Variants in COPG2 observed in about 807,000 individuals in gnomAD.
COPG2 encodes coatomer subunit gamma-2.
Under a neutral mutation model 46.3 loss-of-function variants are expected in COPG2, and 37 were observed. The observed-to-expected ratio is 0.80, with a 90% CI of 0.61 to 1.05. COPG2 has a LOEUF of 1.05. Among genes scored for constraint, COPG2 ranks in the 50% least tolerant of loss-of-function variants. COPG2 has a pLI of 0.00. For missense variants in COPG2, 427 were observed against 387.8 expected (o/e 1.10, Z -0.85); for synonymous variants, 159 against 129.7 (o/e 1.23, Z -1.53).
chr7:130,586,265 A>C (rs1794266678), intron 9 of COPG2, among the ~76,000 whole-genome samples: 1 of 152,018 alleles, frequency 6.6e-6, no homozygotes, highest in South Asian at 2.1e-4. Flanking sequence ...GAGCTAAGCT[A>C]TGAGGACTCA....
At chr7:130,633,148 C>T (rs924008962) in intron 5 of COPG2, among the ~76,000 whole-genome samples, 13 of 152,158 alleles carry the variant, frequency 8.5e-5, no homozygotes, top group Admixed American at 7.2e-4. Context: ...CTATCATTGA[C>T]GGGCATTTGG....
At chr7:130,620,123 A>G (rs1258170250) in intron 5 of COPG2, among the ~76,000 whole-genome samples, 2 of 152,150 alleles carry the variant, frequency 1.3e-5, no homozygotes, top group Non-Finnish European at 2.9e-5. Flanking sequence ...TTAATGTTTT[A>G]TCTATAAATA....
intron 5 of COPG2, among the ~76,000 whole-genome samples, chr7:130,621,523 T>C (rs781944348): frequency 2.6e-5 from 4 of 152,196 alleles, no homozygotes; most frequent in Admixed American, 6.5e-5. Context: ...CAAAACTTTA[T>C]TTACAGCTGG....
intron 9 of COPG2, among the ~76,000 whole-genome samples, chr7:130,601,822 T>TA (rs1794636687): frequency 9.3e-6 from 1 of 107,308 alleles, no homozygotes; most frequent in Admixed American, 9.5e-5. Flanking sequence ...TAAAGTATAA[T>TA]AAAAAAAGGA....
intron 20 of COPG2, among the ~76,000 whole-genome samples, chr7:130,530,275 T>C (rs1244682100): frequency 3.9e-5 from 6 of 151,910 alleles, no homozygotes; most frequent in African/African-American, 1.2e-4. Flanking sequence ...TCACTGGGGC[T>C]GCATCTGAGG....
chr7:130,513,357 GTGTA>G (rs1471335077), intron 20 of COPG2, among the ~76,000 whole-genome samples: 217 of 42,014 alleles, frequency 5.2e-3, no homozygotes, highest in African/African-American at 0.01. Flanking sequence ...GTGTGTGTGT[GTGTA>G]TATATATATA....
At chr7:130,585,611 A>T (rs1794251068) in intron 9 of COPG2, among the ~76,000 whole-genome samples, 1 of 152,066 alleles carries the variant, frequency 6.6e-6, no homozygotes, top group African/African-American at 2.4e-5. Flanking sequence ...ACAAACTCTA[A>T]CAAATCAGTA....
chr7:130,522,587 T>C (rs1005167101), intron 20 of COPG2, among the ~76,000 whole-genome samples: 5 of 150,972 alleles, frequency 3.3e-5, no homozygotes, highest in Non-Finnish European at 7.4e-5. Context: ...GGAGGGCGAG[T>C]GTGGAGTAGA....
At chr7:130,569,879 A>G (rs1793866602) in intron 9 of COPG2, among the ~76,000 whole-genome samples, 1 of 152,226 alleles carries the variant, frequency 6.6e-6, no homozygotes, top group South Asian at 2.1e-4. Flanking sequence ...GTTTCATACC[A>G]GTGATGCAGG....
intron 5 of COPG2, among the ~76,000 whole-genome samples, chr7:130,641,533 G>A (rs942376699): frequency 1.4e-4 from 22 of 152,214 alleles, no homozygotes; most frequent in African/African-American, 4.3e-4. Flanking sequence ...ACTCCAGGAA[G>A]TATTTAACCA....
At chr7:130,533,723 A>C (rs1799850850) in intron 20 of COPG2, among the ~76,000 whole-genome samples, 1 of 152,144 alleles carries the variant, frequency 6.6e-6, no homozygotes, top group Non-Finnish European at 1.5e-5. Context: ...GCAGACATTA[A>C]GGAAAAGACT....
intron 5 of COPG2, among the ~76,000 whole-genome samples, chr7:130,637,443 A>G (rs1269005608): frequency 6.6e-6 from 1 of 151,850 alleles, no homozygotes; most frequent in African/African-American, 2.4e-5. Context: ...TTCTTCTCTA[A>G]TCTTGTCTTC....
chr7:130,658,807 A>G (rs1795910364), intron 4 of COPG2, among the ~76,000 whole-genome samples: 1 of 152,050 alleles, frequency 6.6e-6, no homozygotes, highest in African/African-American at 2.4e-5. Context: ...CAGCCTCCCA[A>G]GTAGCTGGGA....
chr7:130,604,417 A>G (rs1794692667), intron 9 of COPG2, among the ~76,000 whole-genome samples: 1 of 152,192 alleles, frequency 6.6e-6, no homozygotes, highest in Non-Finnish European at 1.5e-5. Flanking sequence ...ATTTTAGTAG[A>G]TACATTCCCA....
chr7:130,554,204 A>G (rs1485919822), intron 14 of COPG2, among the ~76,000 whole-genome samples: 1 of 152,192 alleles, frequency 6.6e-6, no homozygotes, highest in East Asian at 1.9e-4. Context: ...AGAAACACAT[A>G]AACAAATTCT....
chr7:130,585,670 A>G (rs1042219657), intron 9 of COPG2, among the ~76,000 whole-genome samples: 3 of 152,098 alleles, frequency 2.0e-5, no homozygotes, highest in Admixed American at 6.6e-5. Flanking sequence ...TGAATAGACA[A>G]TTCTCAAAAG....
chr7:130,602,706 C>G (rs550681635), intron 9 of COPG2: 8 of 152,366 alleles, frequency 5.3e-5, no homozygotes, highest in African/African-American at 1.7e-4. Context: ...CTCCTGACCT[C>G]AAGTGATCCT....
intron 5 of COPG2, among the ~76,000 whole-genome samples, chr7:130,651,978 A>G (rs931920773): frequency 1.1e-4 from 17 of 152,302 alleles, no homozygotes; most frequent in African/African-American, 4.1e-4. Context: ...GTGAGACTAT[A>G]TGGAATACGT....
chr7:130,652,519 CTT>C (rs1795767838), intron 5 of COPG2, among the ~76,000 whole-genome samples: 1 of 152,116 alleles, frequency 6.6e-6, no homozygotes, highest in South Asian at 2.1e-4. Flanking sequence ...TGAATTATCA[CTT>C]GTTTCTTTTT....
Sources: gnomAD v4.1 joint callset for allele counts (sites outside exome capture counted in the v4.1 genomes callset) on GRCh38, gnomAD v4.1.1 for gene constraint, MANE v1.5 for transcripts, NCBI Gene and HGNC (gene_info 2026-07-23, HGNC 2026-07-21) for gene names.